AK9: variants seen among roughly 807,000 people sequenced by gnomAD.
AK9 encodes adenylate kinase 9.
AK9 carries 191 observed loss-of-function variants against 239.6 expected under a neutral mutation model. The ratio of observed to expected loss-of-function variants is 0.80; its 90% CI spans 0.71 to 0.90. The LOEUF (loss-of-function observed/expected upper bound fraction) is 0.90, where lower values mean the gene tolerates loss of function less well. AK9 is among the 40% of genes least tolerant of loss of function. The pLI is 0.00. For missense variants in AK9, 1,995 were observed against 2,214.7 expected, an observed-to-expected ratio of 0.90 and a Z score of 1.99; for synonymous variants, 689 against 721.0, an observed-to-expected ratio of 0.96 and a Z score of 0.71.
At chr6:109,622,526 C>T (rs1243853182) in intron 12 of AK9, among the ~76,000 whole-genome samples, 1 of 142,482 alleles carries the variant, frequency 7.0e-6, no homozygotes, top group African/African-American at 2.5e-5. Context: ...CAGGATAATA[C>T]AATAATATAT....
rs567478221 is a variant in AK9 at position 109,531,521 on chromosome 6, T to C, written c.3570+1730A>G. Among the ~76,000 whole-genome samples the C allele has an allele frequency of 2.0e-5, 3 of 152,240 alleles. No homozygotes were observed. In the South Asian group the frequency reaches 6.2e-4, roughly 32 times the overall value. ...AACAGCCACTAGCTGTGTGTGGCTA[T>C]TTATATTAAAATTAAACAAAATTAA... On this transcript the variant is annotated intron_variant, in intron 28 of 40. Coordinates refer to ENST00000424296, the MANE Select transcript of AK9 (RefSeq NM_001145128.3).
At position 109,494,172 on chromosome 6, in the gene AK9, C is replaced by T; in HGVS notation, c.5419-77G>A. On this transcript the variant is annotated intron_variant, in intron 39 of 40. Transcript: ENST00000424296. ...TTCTTAGTGCCAATAGATAAACAGG[C>T]AAATATTATTTCTTTGCCTCAAATA... The T allele has an allele frequency of 4.0e-6, 4 of 1,003,010 alleles. No homozygotes were observed. The South Asian group carries it at 4.9e-5, about 12-fold the overall frequency. 62.1% of individuals were successfully genotyped at this position (1,003,010 alleles called of 1,614,324 possible). A position where few individuals can be genotyped will look rare whatever the true frequency, so the allele number is the denominator to read the frequency against.
intron 9 of AK9, among the ~76,000 whole-genome samples, chr6:109,643,281 G>T (rs1389317391): frequency 6.6e-6 from 1 of 152,196 alleles, no homozygotes; most frequent in Non-Finnish European, 1.5e-5. Flanking sequence ...CCCTGAGGTG[G>T]CTCCACCACT....
rs921874837 is a variant in AK9, at chr6:109,498,030, C to T, written c.5047-65G>A. ...AGAAATGCTATGCCAATCAGAAGGC[C>T]ACCGAGGCTCTCCTGCACCCTCCCC... On this transcript the variant is annotated intron_variant, in intron 36 of 40. Coordinates refer to ENST00000424296, the MANE Select transcript of AK9 (RefSeq NM_001145128.3). 7.2e-6 allele frequency: 11 copies of T among 1,536,248 alleles called. No homozygotes were observed. The African/African-American group carries it at 1.2e-4, about 17-fold the overall frequency.
rs567765643 is a variant in AK9 at position 109,626,350 on chromosome 6, T to C, written c.1254+6573A>G. On this transcript the variant is annotated intron_variant, in intron 12 of 40. Transcript: ENST00000424296. The stretch of plus-strand genomic sequence containing the variant: ...TTTCTTGATATGGGTAACGTTTTCC[T>C]GTTTCTTTGCATGTCTTGTAACGTT... Among the ~76,000 whole-genome samples, 49 of 152,348 alleles carry C rather than the reference T, an allele frequency of 3.2e-4. 2 individuals are homozygous for C. In the South Asian group the frequency reaches 7.2e-3, roughly 23 times the overall value.
intron 16 of AK9, among the ~76,000 whole-genome samples, chr6:109,610,753 A>G (rs1793483359): frequency 6.6e-6 from 1 of 152,196 alleles, no homozygotes; most frequent in Non-Finnish European, 1.5e-5. Context: ...AAAGTGAAAG[A>G]GGCAAGAAGA....
intron 8 of AK9, among the ~76,000 whole-genome samples, chr6:109,646,383 G>T (rs1261027279): frequency 6.6e-6 from 1 of 152,024 alleles, no homozygotes; most frequent in Non-Finnish European, 1.5e-5. Flanking sequence ...GAATAAACAG[G>T]GTAGACAAGA....
At chr6:109,645,935 C>A (rs1175593962) in intron 8 of AK9, among the ~76,000 whole-genome samples, 1 of 152,166 alleles carries the variant, frequency 6.6e-6, no homozygotes, top group Non-Finnish European at 1.5e-5. Context: ...CTGGTGATAC[C>A]CAGGCAAACA....
At chr6:109,672,317 T>C in intron 3 of AK9, 150 bp from the exon 4 acceptor site, 1 of 723,788 alleles carries the variant, frequency 1.4e-6, no homozygotes. Context: ...ATTACTTCAC[T>C]TAAGCCTAAC....
At chr6:109,598,650 C>T (rs144030755) in intron 17 of AK9, among the ~76,000 whole-genome samples, 95,038 of 151,802 alleles carry the variant, frequency 0.63, 30,404 homozygotes, top group South Asian at 0.84. Context: ...AATCGCCACA[C>T]TGTCTTCCAC....
chr6:109,673,712 A>G (rs1010718769), intron 3 of AK9, among the ~76,000 whole-genome samples: 1 of 152,154 alleles, frequency 6.6e-6, no homozygotes, highest in Non-Finnish European at 1.5e-5. Context: ...CACATATCCC[A>G]AACAGTTCTA....
intron 19 of AK9, among the ~76,000 whole-genome samples, 182 bp downstream of exon 19, chr6:109,584,941 T>G (rs1789303522): frequency 6.6e-6 from 1 of 152,130 alleles, no homozygotes; most frequent in African/African-American, 2.4e-5. Context: ...CACAACTGTG[T>G]GCTTTAGAGA....
chr6:109,552,086 G>T (rs1281193582), intron 24 of AK9, among the ~76,000 whole-genome samples: 1 of 152,022 alleles, frequency 6.6e-6, no homozygotes, highest in Non-Finnish European at 1.5e-5. Context: ...GCATCCCATG[G>T]TATATATATA....
chr6:109,591,420 T>A (rs1179600336), intron 17 of AK9, among the ~76,000 whole-genome samples: 1 of 152,146 alleles, frequency 6.6e-6, no homozygotes, highest in Middle Eastern at 3.2e-3. Context: ...ATTTACTAGT[T>A]AGGTGGGTTT....
chr6:109,594,698 A>G (rs1404493661), intron 17 of AK9, among the ~76,000 whole-genome samples: 1 of 152,210 alleles, frequency 6.6e-6, no homozygotes, highest in Non-Finnish European at 1.5e-5. Flanking sequence ...GGCCTCAGAA[A>G]TAACACCACA....
At chr6:109,687,685 T>C (rs1017380195) in intron 1 of AK9, among the ~76,000 whole-genome samples, 1 of 152,124 alleles carries the variant, frequency 6.6e-6, no homozygotes, top group Non-Finnish European at 1.5e-5. Context: ...AGTCTCCAGA[T>C]GGAAGCACAT....
intron 33 of AK9, among the ~76,000 whole-genome samples, chr6:109,508,560 T>C (rs1165892747): frequency 6.6e-6 from 1 of 151,888 alleles, no homozygotes; most frequent in East Asian, 2.0e-4. Context: ...TCAAAGAGGC[T>C]TCTAATAGAA....
chr6:109,574,656 T>C (rs146819243), intron 20 of AK9, among the ~76,000 whole-genome samples: 7 of 152,260 alleles, frequency 4.6e-5, no homozygotes, highest in African/African-American at 1.7e-4. Context: ...ATTTTACCCA[T>C]AGACCCTAGG....
At chr6:109,650,242 A>C (rs1216448056) in intron 8 of AK9, among the ~76,000 whole-genome samples, 3 of 151,500 alleles carry the variant, frequency 2.0e-5, no homozygotes, top group Non-Finnish European at 4.4e-5. Context: ...AATGGAATCT[A>C]ATTAAACTAA....
Sources: allele counts gnomAD v4.1 joint callset (sites outside exome capture counted in the v4.1 genomes callset), GRCh38; gene constraint gnomAD v4.1.1; transcripts MANE v1.5; gene names NCBI Gene and HGNC (gene_info 2026-07-23, HGNC 2026-07-21).